Variants in KIRREL3 observed in about 807,000 individuals in gnomAD.
KIRREL3 encodes the protein kirre like nephrin family adhesion molecule 3.
KIRREL3 carries 36 observed loss-of-function variants against 89.7 expected under a neutral mutation model. That is an observed-to-expected ratio of 0.40 (90% CI 0.31 to 0.53). KIRREL3 has a LOEUF of 0.53. Ranked by LOEUF, KIRREL3 falls within the 20% of genes least tolerant of loss-of-function variation. KIRREL3 has a pLI of 0.49. For missense variants in KIRREL3, 864 were observed against 1,056.6 expected, an observed-to-expected ratio of 0.82 and a Z score of 2.53; for synonymous variants, 445 against 441.4, an observed-to-expected ratio of 1.01 and a Z score of -0.10.
chr11:126,749,408 C>T (rs1231700345), intron 1 of KIRREL3, among the ~76,000 whole-genome samples: 1 of 152,146 alleles, frequency 6.6e-6, no homozygotes, highest in Non-Finnish European at 1.5e-5. Context: ...TCAAGTTACC[C>T]CATTCCTCGG....
At chr11:126,580,466 G>A (rs887356121) in intron 1 of KIRREL3, among the ~76,000 whole-genome samples, 2 of 152,142 alleles carry the variant, frequency 1.3e-5, no homozygotes, top group Non-Finnish European at 2.9e-5. Context: ...GGTTGCGATG[G>A]GCAAGGGGGT....
rs1957027920 is a variant in KIRREL3 at position 126,475,101 on chromosome 11, G to T, written c.434-1635C>A. 6.6e-6 allele frequency among the ~76,000 whole-genome samples: 1 copy of T among 152,216 alleles called. No homozygotes were observed. Among genetic ancestry groups the T allele is most frequent in the South Asian group, 2.1e-4 (1 of 4,836 alleles). On this transcript the variant is annotated intron_variant, in intron 4 of 16. Coordinates refer to ENST00000525144, the MANE Select transcript of KIRREL3 (RefSeq NM_032531.4). This position sits in a 1 kb window ranked among gnomAD's most constrained non-coding sequence, Gnocchi z 7.5. ...GTCTGTGTACACAGCAAACACAGAA[G>T]GGGTAGTTGGATAACGGGGGCGTGG...
intron 1 of KIRREL3, among the ~76,000 whole-genome samples, chr11:126,923,176 C>CTTT (rs766266024): frequency 0.021 from 382 of 18,016 alleles, 120 homozygotes; most frequent in East Asian, 0.047. Flanking sequence ...TCTTCTTCTT[C>CTTT]TCTTCTTCTT....
At chr11:126,967,213 C>A (rs202089019) in intron 1 of KIRREL3, among the ~76,000 whole-genome samples, 1 of 152,294 alleles carries the variant, frequency 6.6e-6, no homozygotes. Flanking sequence ...CCTCTTTGTG[C>A]GTAACACTGT....
chr11:126,512,740 C>T (rs775061809), intron 4 of KIRREL3, among the ~76,000 whole-genome samples: 1 of 152,138 alleles, frequency 6.6e-6, no homozygotes, highest in African/African-American at 2.4e-5. Context: ...CAGGGTCACG[C>T]TTGGTTCCAG....
In KIRREL3 at chr11:126,484,816, T is replaced by G. The variant is rs959132312; in HGVS notation, c.434-11350A>C. 2.0e-5 allele frequency among the ~76,000 whole-genome samples: 3 copies of G among 150,106 alleles called. No homozygotes were observed. The East Asian group carries it at 5.8e-4, about 29-fold the overall frequency. ...TGTGGGGCAAGATGCAAATGGGATT[T>G]TTTTTTTTTTTTTTCTGAGACGGAG... On this transcript the variant is annotated intron_variant, in intron 4 of 16. Coordinates refer to ENST00000525144, the MANE Select transcript of KIRREL3 (RefSeq NM_032531.4). The surrounding 1 kb of genome is among the most constrained non-coding windows in gnomAD (Gnocchi z 5.2).
At chr11:126,959,645 A>G (rs1170063545) in intron 1 of KIRREL3, among the ~76,000 whole-genome samples, 2 of 152,144 alleles carry the variant, frequency 1.3e-5, no homozygotes, top group Admixed American at 1.3e-4. Flanking sequence ...TCCTCCTTAG[A>G]TATCTCAATG....
intron 1 of KIRREL3, among the ~76,000 whole-genome samples, chr11:126,833,179 G>A (rs1481706960): frequency 6.6e-6 from 1 of 152,164 alleles, no homozygotes; most frequent in Non-Finnish European, 1.5e-5. Context: ...TCCTGCAAGA[G>A]GCACAAGGAT....
chr11:126,503,725 C>T (rs1265791884), intron 4 of KIRREL3, among the ~76,000 whole-genome samples: 1 of 152,104 alleles, frequency 6.6e-6, no homozygotes, highest in Non-Finnish European at 1.5e-5. Context: ...TGGAACCCTC[C>T]TGATGGAATT....
At chr11:126,631,951 G>T (rs368261426) in intron 1 of KIRREL3, among the ~76,000 whole-genome samples, 1 of 152,112 alleles carries the variant, frequency 6.6e-6, no homozygotes, top group Non-Finnish European at 1.5e-5. Flanking sequence ...AGGGGGAAAG[G>T]ATGGCTTCCT....
intron 1 of KIRREL3, among the ~76,000 whole-genome samples, chr11:126,974,433 A>G (rs1391799274): frequency 1.3e-5 from 2 of 151,752 alleles, no homozygotes; most frequent in Non-Finnish European, 2.9e-5. Context: ...CCTAGGCTAC[A>G]TGGTATAGCC....
intron 1 of KIRREL3, among the ~76,000 whole-genome samples, chr11:126,572,947 A>G (rs1194421811): frequency 6.6e-6 from 1 of 152,174 alleles, no homozygotes; most frequent in Non-Finnish European, 1.5e-5. Flanking sequence ...AGCCCCTCAC[A>G]TGCTGCCGAA....
chr11:126,959,666 T>C lies in KIRREL3; in HGVS notation c.55+40789A>G, dbSNP rs568361501. 3.2e-4 allele frequency among the ~76,000 whole-genome samples: 49 copies of C among 152,286 alleles called. No homozygotes were observed. The South Asian group carries it at 9.7e-3, about 30-fold the overall frequency. On this transcript the variant is annotated intron_variant, in intron 1 of 16. Coordinates refer to ENST00000525144, the MANE Select transcript of KIRREL3 (RefSeq NM_032531.4). ...TTAGATATCTCAATGTTCTCCCGAA[T>C]CAGCCTGTCCAAAGGAGATGGCAGC...
rs565195263 is a variant in KIRREL3 at position 126,527,319 on chromosome 11, T to G, written c.134-632A>C. 6.6e-6 allele frequency among the ~76,000 whole-genome samples: 1 copy of G among 152,154 alleles called. No individual in the cohort carries two copies. The highest frequency in any genetic ancestry group is 2.4e-5 in the African/African-American group (1 of 41,482). On this transcript the variant is annotated intron_variant, in intron 2 of 16. Coordinates refer to ENST00000525144, the MANE Select transcript of KIRREL3 (RefSeq NM_032531.4). This position sits in a 1 kb window ranked among gnomAD's most constrained non-coding sequence, Gnocchi z 4.2. ...CTTTCTTTTCTGCAGCAGACCTTAC[T>G]CCAGCCTCACAATCACTTGGGAAAA...
chr11:126,945,929 TCATTCATG>T (rs924570040), intron 1 of KIRREL3, among the ~76,000 whole-genome samples: 1 of 152,210 alleles, frequency 6.6e-6, no homozygotes, highest in African/African-American at 2.4e-5. Flanking sequence ...ATTCATTGCC[TCATTCATG>T]CATTCACCAA....
chr11:126,603,894 C>G (rs1942772696), intron 1 of KIRREL3, among the ~76,000 whole-genome samples: 1 of 152,192 alleles, frequency 6.6e-6, no homozygotes, highest in Admixed American at 6.5e-5. Context: ...CAAATAGCCC[C>G]CCCTCCTCCC....
intron 1 of KIRREL3, among the ~76,000 whole-genome samples, chr11:126,878,984 A>G (rs900351577): frequency 6.6e-5 from 10 of 152,324 alleles, no homozygotes; most frequent in African/African-American, 2.2e-4. Flanking sequence ...GGTTAAATGC[A>G]ATATTAAAGA....
At chr11:126,674,490 G>A (rs999831405) in intron 1 of KIRREL3, among the ~76,000 whole-genome samples, 1 of 152,208 alleles carries the variant, frequency 6.6e-6, no homozygotes, top group Non-Finnish European at 1.5e-5. Flanking sequence ...GTCAGATAGA[G>A]CATCCAACAA....
chr11:126,736,168 G>A lies in KIRREL3; in HGVS notation c.56-173256C>T, dbSNP rs1308463687. ...ATTTGGTCACAAGAGGGATTGTCTA[G>A]AGAGAACAGATGGTCTGGTTTACTT... On this transcript the variant is annotated intron_variant, in intron 1 of 16. Transcript: ENST00000525144. The surrounding 1 kb of genome is among the most constrained non-coding windows in gnomAD (Gnocchi z 5.0). 6.6e-6 allele frequency among the ~76,000 whole-genome samples: 1 copy of A among 152,184 alleles called. No individual in the cohort carries two copies. The highest frequency in any genetic ancestry group is 1.5e-5 in the Non-Finnish European group (1 of 68,040).
Sources: gnomAD v4.1 joint callset for allele counts (sites outside exome capture counted in the v4.1 genomes callset) on GRCh38, gnomAD v4.1.1 for gene constraint, Gnocchi (gnomAD v3.1) non-coding constraint, MANE v1.5 for transcripts, NCBI Gene and HGNC (gene_info 2026-07-23, HGNC 2026-07-21) for gene names.